The following LAMB1 variants were observed in gnomAD, a reference collection of about 807,000 sequenced individuals.
LAMB1 encodes laminin subunit beta-1.
A neutral mutation model predicts 222.3 loss-of-function variants in LAMB1; 121 were observed. That is an observed-to-expected ratio of 0.54 (90% CI 0.47 to 0.63). The LOEUF (loss-of-function observed/expected upper bound fraction) is 0.63. LAMB1 is among the 30% of genes least tolerant of loss of function. The pLI is 0.00. For missense variants in LAMB1, 2,172 were observed against 2,240.8 expected (o/e 0.97, Z 0.62); for synonymous variants, 794 against 807.2 (o/e 0.98, Z 0.28).
Position 107,924,034 on chromosome 7 carries a change from C to T in LAMB1, c.5278G>A (p.Glu1760Lys). The change falls in exon 34 of 34, where the codon GAA becomes AAA. Residue 1760 changes from glutamate to lysine, a missense_variant. Glu to Lys is a moderately conservative substitution (Grantham distance 56). Coordinates refer to ENST00000222399, the MANE Select transcript of LAMB1 (RefSeq NM_002291.3). ...ACTTCTCCTTCCAGTCTTGCTAATT[C>T]TTGAGCTTTATCTTCTAAGTATCTT... is the stretch of plus-strand genomic sequence containing the variant. ...NQRYLEDKAQ[E>K]LARLEGEVRS... 1 of 1,588,136 alleles carries T rather than the reference C, an allele frequency of 6.3e-7. No individual in the cohort carries two copies.
At chr7:107,980,383 A>G (rs2033948295) in intron 8 of LAMB1, among the ~76,000 whole-genome samples, 1 of 152,214 alleles carries the variant, frequency 6.6e-6, no homozygotes, top group Non-Finnish European at 1.5e-5. Context: ...AACAAATTCC[A>G]AAAATTCATC....
intron 14 of LAMB1, 81 bp from the exon 15 acceptor site, chr7:107,963,144 ACCC>A: frequency 3.0e-6 from 4 of 1,340,474 alleles, no homozygotes; most frequent in Admixed American, 4.4e-5. Flanking sequence ...ATCCGAAGTC[ACCC>A]AAAGATTCAA....
rs764653249 is a variant in LAMB1 at position 107,924,393 on chromosome 7, T to C, written c.5065-4A>G. 12 of 1,593,766 alleles carry C rather than the reference T, an allele frequency of 7.5e-6. No individual in the cohort carries two copies. In the South Asian group the frequency reaches 1.1e-4, roughly 15 times the overall value. Reference sequence around the variant, plus strand: ...CATCAAGTTCACCATCTAAAGTCTATAGTTCCACATTTAGACAGAAAGAAG... The same window carrying C: ...CATCAAGTTCACCATCTAAAGTCTACAGTTCCACATTTAGACAGAAAGAAG... On this transcript the variant is annotated splice_region_variant and splice_polypyrimidine_tract_variant and intron_variant, in intron 32 of 33. Coordinates refer to ENST00000222399, the MANE Select transcript of LAMB1 (RefSeq NM_002291.3).
At chr7:107,951,943 G>C (rs191754619) in intron 23 of LAMB1, 66 bp downstream of exon 23, 3 of 1,390,662 alleles carry the variant, frequency 2.2e-6, no homozygotes, top group African/African-American at 2.9e-5. Context: ...GCTCTAACTG[G>C]GGCAAAGTCA....
At chr7:107,961,760 C>T in intron 15 of LAMB1, 84 bp from the exon 16 acceptor site, 1 of 1,437,510 alleles carries the variant, frequency 7.0e-7, no homozygotes. Flanking sequence ...AATCAATTGC[C>T]AAGTTGAAAT....
chr7:107,930,287 CA>C (rs2032673776), intron 29 of LAMB1, among the ~76,000 whole-genome samples: 1 of 152,180 alleles, frequency 6.6e-6, no homozygotes, highest in Non-Finnish European at 1.5e-5. Flanking sequence ...GTCAGATCCT[CA>C]TTTACTTTCA....
chr7:107,961,853 C>T (rs2150429062), intron 15 of LAMB1, among the ~76,000 whole-genome samples, 177 bp from the exon 16 acceptor site: 1 of 152,318 alleles, frequency 6.6e-6, no homozygotes, highest in East Asian at 1.9e-4. Context: ...CCCTTCTGCC[C>T]TGGATGCTGA....
At chr7:107,984,599 G>A (rs142003735) in intron 7 of LAMB1, among the ~76,000 whole-genome samples, 32 of 152,164 alleles carry the variant, frequency 2.1e-4, no homozygotes, top group African/African-American at 5.3e-4. Flanking sequence ...CTCTTCTCCC[G>A]AGTTGAGGTG....
intron 5 of LAMB1, among the ~76,000 whole-genome samples, chr7:107,992,349 G>T (rs538097071): frequency 1.7e-4 from 26 of 152,320 alleles, no homozygotes; most frequent in Non-Finnish European, 3.5e-4. Context: ...TAAGTTATTT[G>T]CAAGTATATC....
intron 2 of LAMB1, chr7:108,002,308 G>C: frequency 7.6e-7 from 1 of 1,313,090 alleles, no homozygotes; most frequent in Non-Finnish European, 1.0e-6. Flanking sequence ...AGCTAGGGGA[G>C]CCCATGGACA....
chr7:107,960,547 G>T lies in LAMB1; in HGVS notation c.2212C>A (p.Arg738=). 6.2e-7 allele frequency: 1 copy of T among 1,613,962 alleles called. No homozygotes were observed. The highest frequency in any genetic ancestry group is 8.5e-7 in the Non-Finnish European group (1 of 1,179,820). Residue 738 remains arginine (R), a synonymous_variant, in exon 18 of 34, where the codon CGA becomes AGA. Transcript: ENST00000222399. ...NSAWETFQRY[R]CLENSRSVVK... is the part of the protein sequence containing the mutation. ...ACGCTTCTGCTGTTCTCTAGACATCGGTATCTCTGAAAGGTTTCCCAGGCA... is the reference window on the plus strand; with the variant it reads ...ACGCTTCTGCTGTTCTCTAGACATCTGTATCTCTGAAAGGTTTCCCAGGCA...
chr7:107,948,277 G>A (rs889883497), intron 24 of LAMB1, among the ~76,000 whole-genome samples: 2 of 152,112 alleles, frequency 1.3e-5, no homozygotes, highest in Non-Finnish European at 2.9e-5. Context: ...GTGAACCACC[G>A]TGCCCGGCTA....
chr7:107,957,228 A>G (rs533462306), intron 20 of LAMB1, among the ~76,000 whole-genome samples: 10 of 152,278 alleles, frequency 6.6e-5, no homozygotes, highest in African/African-American at 2.4e-4. Flanking sequence ...CATCTCCCTT[A>G]AAAATACAAA....
intron 25 of LAMB1, among the ~76,000 whole-genome samples, chr7:107,937,619 A>T (rs767014630): frequency 6.6e-6 from 1 of 152,162 alleles, no homozygotes; most frequent in Non-Finnish European, 1.5e-5. Context: ...AGCCCTTACA[A>T]TTGTGAAAAC....
At chr7:107,943,817 G>A (rs777951763) in intron 24 of LAMB1, among the ~76,000 whole-genome samples, 3 of 152,184 alleles carry the variant, frequency 2.0e-5, no homozygotes, top group East Asian at 1.9e-4. Context: ...GAGCATGTGC[G>A]TGTGTGTGTA....
At chr7:108,002,497 T>C in intron 2 of LAMB1, 1 of 1,159,852 alleles carries the variant, frequency 8.6e-7, no homozygotes, top group Non-Finnish European at 1.1e-6. Flanking sequence ...AATGGATTTT[T>C]GGAGAGCCCT....
chr7:107,964,757 A>C (rs1330549897), intron 13 of LAMB1, 70 bp from the exon 14 acceptor site: 2 of 1,565,164 alleles, frequency 1.3e-6, no homozygotes, highest in Non-Finnish European at 1.7e-6. Context: ...AAGCAGCTCT[A>C]CAGCTGCCAT....
intron 3 of LAMB1, chr7:107,999,893 C>A (rs1423051629): frequency 1.3e-5 from 2 of 151,932 alleles, no homozygotes; most frequent in Admixed American, 6.6e-5. Context: ...ACCGCTGCAC[C>A]TCTTTTTTGT....
In LAMB1 at chr7:107,964,613, C is replaced by T. The variant is rs747524216; in HGVS notation, c.1637G>A (p.Gly546Asp). ...GTGATCCAGGGTGGCAAAGTAGTAA[C>T]CAGGTTCCACTTCGTTGCACTGACG... Reference protein sequence around the residue: ...IGRQCNEVEPGYYFATLDHYL... With the variant: ...IGRQCNEVEPDYYFATLDHYL... Residue 546 changes from glycine (G) to aspartate (D), a missense_variant, in exon 14 of 34, where the codon GGT (glycine) becomes GAT (aspartate). Physicochemically the swap from Gly to Asp is moderately conservative, Grantham distance 94. Coordinates refer to ENST00000222399, the MANE Select transcript of LAMB1 (RefSeq NM_002291.3). The T allele has an allele frequency of 2.2e-5, 35 of 1,614,154 alleles. No homozygotes were observed. In the South Asian group the frequency reaches 2.2e-4, roughly 10 times the overall value.
Sources: gnomAD v4.1 joint callset for allele counts (sites outside exome capture counted in the v4.1 genomes callset) on GRCh38, gnomAD v4.1.1 for gene constraint, MANE v1.5 for transcripts, NCBI Gene and HGNC (gene_info 2026-07-23, HGNC 2026-07-21) for gene names.